NEDD4: variants seen among roughly 807,000 people sequenced by gnomAD.
NEDD4 encodes the protein E3 ubiquitin-protein ligase NEDD4.
A neutral mutation model predicts 144.9 loss-of-function variants in NEDD4; 99 were observed. The observed-to-expected ratio is 0.68, with a 90% CI of 0.58 to 0.81. The LOEUF (loss-of-function observed/expected upper bound fraction) is 0.81. Ranked by LOEUF, NEDD4 falls within the 30% of genes least tolerant of loss-of-function variation. NEDD4 has a pLI of 0.00. For synonymous variants in NEDD4, 318 were observed against 350.6 expected, an observed-to-expected ratio of 0.91 and a Z score of 1.04; for missense variants, 985 against 1,065.9, an observed-to-expected ratio of 0.92 and a Z score of 1.06.
chr15:55,955,157 G>A (rs2037315339), intron 2 of NEDD4, among the ~76,000 whole-genome samples: 2 of 152,124 alleles, frequency 1.3e-5, no homozygotes, highest in Admixed American at 1.3e-4. Context: ...AAGTAGCGGG[G>A]ACTACAGGCG....
At chr15:55,918,469 A>C (rs1436629274) in intron 5 of NEDD4, among the ~76,000 whole-genome samples, 1 of 152,174 alleles carries the variant, frequency 6.6e-6, no homozygotes, top group African/African-American at 2.4e-5. Flanking sequence ...GGAAAGTAAA[A>C]GGTAAAATAG....
chr15:55,873,943 G>GAC lies in NEDD4; in HGVS notation c.342+13_342+14dup, dbSNP rs1318346942. 6 of 1,449,224 alleles carry GAC rather than the reference G, an allele frequency of 4.1e-6. No homozygotes were observed. Among genetic ancestry groups the GAC allele is most frequent in the Non-Finnish European group, 4.6e-6 (5 of 1,081,766 alleles). 89.8% of individuals were successfully genotyped at this position (1,449,224 alleles called of 1,614,324 possible). On this transcript the variant is annotated intron_variant, in intron 6 of 28. Transcript: ENST00000435532. ...AAATAAGCCCAAAAGGAAAATCATG[G>GAC]ACACCTATACCAACCGGTAATGGAT...
intron 1 of NEDD4, among the ~76,000 whole-genome samples, chr15:55,970,668 C>G (rs1157124048): frequency 6.6e-6 from 1 of 152,182 alleles, no homozygotes; most frequent in Non-Finnish European, 1.5e-5. Context: ...CAGATCTTAC[C>G]CAAGACCAGC....
intron 28 of NEDD4, 103 bp downstream of exon 28, chr15:55,830,411 C>T (rs2141952867): frequency 9.9e-7 from 1 of 1,009,928 alleles, no homozygotes; most frequent in Non-Finnish European, 1.6e-6. Flanking sequence ...TCCATACCTG[C>T]CACCGACATA....
At chr15:55,831,740 A>T (rs768035021) in intron 27 of NEDD4, among the ~76,000 whole-genome samples, 16 of 152,158 alleles carry the variant, frequency 1.1e-4, no homozygotes, top group Non-Finnish European at 2.1e-4. Flanking sequence ...CTATCCCATC[A>T]TATGGTCAGC....
chr15:55,876,110 G>A (rs2034984214), intron 5 of NEDD4, among the ~76,000 whole-genome samples: 1 of 152,150 alleles, frequency 6.6e-6, no homozygotes. Flanking sequence ...ATATCTATAA[G>A]TGCTGAAATG....
intron 1 of NEDD4, among the ~76,000 whole-genome samples, chr15:55,986,302 A>G (rs2037890092): frequency 6.6e-6 from 1 of 152,234 alleles, no homozygotes; most frequent in Admixed American, 6.5e-5. Context: ...ATCTTACGAT[A>G]TGTCCCCTGA....
At chr15:55,939,796 A>G (rs2036962882) in intron 4 of NEDD4, among the ~76,000 whole-genome samples, 1 of 152,182 alleles carries the variant, frequency 6.6e-6, no homozygotes, top group Non-Finnish European at 1.5e-5. Flanking sequence ...CTCTATAGAA[A>G]ACAGTATAAA....
At chr15:55,923,659 A>AT (rs1555404568) in intron 5 of NEDD4, among the ~76,000 whole-genome samples, 5,453 of 135,148 alleles carry the variant, frequency 0.04, 196 homozygotes, top group African/African-American at 0.088. Flanking sequence ...AAAAAAAAAA[A>AT]ATATATATAT....
intron 4 of NEDD4, among the ~76,000 whole-genome samples, chr15:55,943,722 G>C (rs2037052284): frequency 6.6e-6 from 1 of 152,212 alleles, no homozygotes; most frequent in Admixed American, 6.5e-5. Flanking sequence ...GGAAATGTGG[G>C]ACTGGAGTCC....
intron 8 of NEDD4, among the ~76,000 whole-genome samples, chr15:55,864,253 A>T (rs960306742): frequency 6.6e-6 from 1 of 152,204 alleles, no homozygotes; most frequent in Non-Finnish European, 1.5e-5. Flanking sequence ...TCCCAAAAGG[A>T]CACAAAAGAA....
At chr15:55,912,895 T>C (rs2036320294) in intron 5 of NEDD4, among the ~76,000 whole-genome samples, 1 of 152,146 alleles carries the variant, frequency 6.6e-6, no homozygotes. Flanking sequence ...GAAATCAACA[T>C]TATTATGGAG....
chr15:55,888,626 A>C (rs1289681408), intron 5 of NEDD4, among the ~76,000 whole-genome samples: 1 of 152,244 alleles, frequency 6.6e-6, no homozygotes, highest in East Asian at 1.9e-4. Context: ...GTGGAACCAC[A>C]AAATACCCAG....
chr15:55,850,799 T>C, intron 13 of NEDD4, 57 bp from the exon 14 acceptor site: 2 of 1,490,998 alleles, frequency 1.3e-6, no homozygotes, highest in South Asian at 1.2e-5. Context: ...CACAAATAGA[T>C]GTAGTTAAAA....
At chr15:55,932,061 T>G (rs2036791901) in intron 4 of NEDD4, among the ~76,000 whole-genome samples, 1 of 152,192 alleles carries the variant, frequency 6.6e-6, no homozygotes, top group Non-Finnish European at 1.5e-5. Context: ...CACCCAAATC[T>G]CATCTTGAAT....
At chr15:55,976,953 A>G (rs2142348646) in intron 1 of NEDD4, among the ~76,000 whole-genome samples, 1 of 152,334 alleles carries the variant, frequency 6.6e-6, no homozygotes, top group Middle Eastern at 3.4e-3. Flanking sequence ...AAATTTTAAA[A>G]GATCAACAAA....
chr15:55,981,798 C>T (rs1566977577), intron 1 of NEDD4, among the ~76,000 whole-genome samples: 1 of 152,156 alleles, frequency 6.6e-6, no homozygotes, highest in Non-Finnish European at 1.5e-5. Context: ...TTTAACAACT[C>T]TTCAGATGAT....
At chr15:55,830,461 A>G in intron 28 of NEDD4, 53 bp downstream of exon 28, 2 of 1,484,286 alleles carry the variant, frequency 1.3e-6, no homozygotes, top group Non-Finnish European at 1.9e-6. Context: ...AGACTAACAG[A>G]GGAATCTCAC....
chr15:55,892,596 A>G (rs2035606923), intron 5 of NEDD4, among the ~76,000 whole-genome samples: 2 of 152,082 alleles, frequency 1.3e-5, no homozygotes, highest in Admixed American at 6.6e-5. Context: ...ATTTAAAAAT[A>G]TAAGTAACAC....
Sources: allele counts gnomAD v4.1 joint callset (sites outside exome capture counted in the v4.1 genomes callset), GRCh38; gene constraint gnomAD v4.1.1; transcripts MANE v1.5; gene names NCBI Gene and HGNC (gene_info 2026-07-23, HGNC 2026-07-21).